Variants in MACC1 observed in about 807,000 individuals in gnomAD.
MACC1 encodes the protein metastasis-associated in colon cancer protein 1.
A neutral mutation model predicts 70.7 loss-of-function variants in MACC1; 79 were observed. The observed-to-expected ratio is 1.12, with a 90% CI of 0.93 to 1.35. The LOEUF is 1.35. Ranked by LOEUF, MACC1 falls within the 40% of genes most tolerant of loss-of-function variation. The probability of loss-of-function intolerance (pLI) is 0.00; values close to 1 mark genes in which losing one functional copy is unlikely to be tolerated. For synonymous variants in MACC1, 361 were observed against 347.2 expected, an observed-to-expected ratio of 1.04 and a Z score of -0.44; for missense variants, 1,106 against 978.1, an observed-to-expected ratio of 1.13 and a Z score of -1.74.
intron 1 of MACC1, among the ~76,000 whole-genome samples, chr7:20,183,735 G>A (rs993881999): frequency 6.9e-6 from 1 of 145,064 alleles, no homozygotes; most frequent in East Asian, 2.0e-4. Context: ...TTGAGGGAGA[G>A]TCTCACTCTG....
In MACC1 at chr7:20,154,263, C is replaced by G. The variant is rs113593699; in HGVS notation, c.2276G>C (p.Arg759Pro). The change falls in exon 6 of 7, where the codon CGA becomes CCA. Residue 759 changes from arginine (R) to proline (P), a missense_variant. Transcript: ENST00000400331. ...TGCCTCCATTTGTTGCTTTGTGAGT[C>G]GTACTAACTTTTCAGCTAGTTCCCT... Reference protein sequence around the residue: ...GWRELAEKLVRLTKQQMEAYE... With the variant: ...GWRELAEKLVPLTKQQMEAYE... 14 of 1,613,946 alleles carry G rather than the reference C, an allele frequency of 8.7e-6. No individual in the cohort carries two copies. The South Asian group carries it at 1.5e-4, about 18-fold the overall frequency.
Position 20,137,713 on chromosome 7 carries a change from G to A in MACC1, c.*3233C>T, listed in dbSNP as rs1183394674. ...CATTGACTTACTGCCAAATATTGAA[G>A]GCAATTCATGATTACTAATTTAATC... On this transcript the variant is annotated 3_prime_UTR_variant, in exon 7 of 7. Transcript: ENST00000400331. 1 of 152,070 alleles carries A rather than the reference G, an allele frequency of 6.6e-6. No individual in the cohort carries two copies. Among genetic ancestry groups the A allele is most frequent in the South Asian group, 2.1e-4 (1 of 4,828 alleles). The allele number at this position is 152,070 out of a possible 1,614,324, so 9.4% of individuals were successfully genotyped here.
chr7:20,153,365 T>A (rs546295612), intron 6 of MACC1: 1 of 152,346 alleles, frequency 6.6e-6, no homozygotes, highest in Admixed American at 6.5e-5. Context: ...AAGTGAAGAA[T>A]ACAGCTTCTG....
At position 20,160,111 on chromosome 7, in the gene MACC1, G is replaced by A. The variant is rs1562586508; in HGVS notation, c.250C>T (p.Leu84=). The change falls in exon 5 of 7, where the codon CTA becomes TTA. Residue 84 remains leucine (L), a synonymous_variant. Coordinates refer to ENST00000400331, the MANE Select transcript of MACC1 (RefSeq NM_182762.4). ...TTATTTCTCTTCCTGTTATTTCTTA[G>A]TTGAGTTATGTCATCCAAAAATGGG... ...SNPFLDDITQ[L]RNNRKRNNIS... is the part of the protein sequence containing the mutation. The A allele has an allele frequency of 6.2e-7, 1 of 1,613,006 alleles. No homozygotes were observed. The highest frequency in any genetic ancestry group is 1.3e-5 in the African/African-American group (1 of 74,954).
Position 20,154,237 on chromosome 7 carries a change from A to G in MACC1, c.2302T>C (p.Tyr768His), listed in dbSNP as rs1193744276. 6 of 1,613,886 alleles carry G rather than the reference A, an allele frequency of 3.7e-6. No individual in the cohort carries two copies. The highest frequency in any genetic ancestry group is 2.7e-5 in the African/African-American group (2 of 74,916). Residue 768 changes from tyrosine (Y) to histidine (H), a missense_variant, in exon 6 of 7, where the codon TAT becomes CAT. Coordinates refer to ENST00000400331, the MANE Select transcript of MACC1 (RefSeq NM_182762.4). ...GTGTTTCCTCGATGAGGAATTTCAT[A>G]TGCCTCCATTTGTTGCTTTGTGAGT... Reference protein sequence around the residue: ...VRLTKQQMEAYEIPHRGNTGD... With the variant: ...VRLTKQQMEAHEIPHRGNTGD...
At chr7:20,166,857 A>C (rs1311990109) in intron 2 of MACC1, among the ~76,000 whole-genome samples, 2 of 152,198 alleles carry the variant, frequency 1.3e-5, no homozygotes, top group Non-Finnish European at 2.9e-5. Flanking sequence ...GAAAATCATA[A>C]TAATTGTGCA....
rs183652411 is a variant in MACC1 at position 20,197,470 on chromosome 7, T to G, written c.-218+19829A>C. Among the ~76,000 whole-genome samples, 7 of 152,346 alleles carry G rather than the reference T, an allele frequency of 4.6e-5. No individual in the cohort carries two copies. In the East Asian group the frequency reaches 1.3e-3, roughly 29 times the overall value. On this transcript the variant is annotated intron_variant, in intron 1 of 6. Coordinates refer to ENST00000400331, the MANE Select transcript of MACC1 (RefSeq NM_182762.4). ...AGATAACAATTTTGTGGAATCTTAG[T>G]GACTATTTGTTTTTCTTTCTCGAGC...
chr7:20,170,247 G>C (rs1032546020), intron 2 of MACC1: 1 of 152,222 alleles, frequency 6.6e-6, no homozygotes, highest in South Asian at 2.1e-4. Flanking sequence ...TCTTCAAAAA[G>C]TGGTTACAAT....
rs563429137 is a variant in MACC1, at chr7:20,139,912, T to G, written c.*1034A>C. 5.9e-5 allele frequency: 9 copies of G among 152,044 alleles called. No homozygotes were observed. Among genetic ancestry groups the G allele is most frequent in the African/African-American group, 2.2e-4 (9 of 41,462 alleles). The allele number at this position is 152,044 out of a possible 1,614,324, so 9.4% of individuals were successfully genotyped here. On this transcript the variant is annotated 3_prime_UTR_variant, in exon 7 of 7. Transcript: ENST00000400331. ...TAAAGATATCAGTGTTTTCGGTGGT[T>G]AAGACCTCTCTACTCAACAGGGTAA...
chr7:20,212,000 T>A (rs1026901274), intron 1 of MACC1, among the ~76,000 whole-genome samples: 6 of 152,196 alleles, frequency 3.9e-5, no homozygotes, highest in African/African-American at 1.2e-4. Context: ...TCTTATAGAC[T>A]GTTGTTTATG....
chr7:20,193,901 C>A (rs1782709995), intron 1 of MACC1, among the ~76,000 whole-genome samples: 1 of 152,004 alleles, frequency 6.6e-6, no homozygotes, highest in African/African-American at 2.4e-5. Context: ...CGCCCCCACA[C>A]ACACCTTTAA....
At chr7:20,206,010 A>G (rs1472610357) in intron 1 of MACC1, among the ~76,000 whole-genome samples, 3 of 152,068 alleles carry the variant, frequency 2.0e-5, no homozygotes, top group African/African-American at 4.8e-5. Context: ...TAGTTTCACA[A>G]TCTTCTCTGT....
At chr7:20,186,367 A>T (rs1782589123) in intron 1 of MACC1, among the ~76,000 whole-genome samples, 1 of 152,170 alleles carries the variant, frequency 6.6e-6, no homozygotes, top group Admixed American at 6.5e-5. Flanking sequence ...ATGTTTACTA[A>T]CTCATACTAA....
chr7:20,139,349 C>T lies in MACC1; in HGVS notation c.*1597G>A, dbSNP rs1003052830. ...CCCCACCACACCAGGACAATGCCTA[C>T]TCTTCCTTGAGGTTCATTATTTCTT... On this transcript the variant is annotated 3_prime_UTR_variant, in exon 7 of 7. Coordinates refer to ENST00000400331, the MANE Select transcript of MACC1 (RefSeq NM_182762.4). 3.3e-5 allele frequency: 5 copies of T among 152,282 alleles called. No homozygotes were observed. In the East Asian group the frequency reaches 7.7e-4, roughly 24 times the overall value. 9.4% of individuals were successfully genotyped at this position (152,282 alleles called of 1,614,324 possible).
intron 2 of MACC1, among the ~76,000 whole-genome samples, chr7:20,167,526 T>A (rs1010354492): frequency 6.6e-6 from 1 of 151,532 alleles, no homozygotes; most frequent in African/African-American, 2.4e-5. Flanking sequence ...GGTAGGGAAA[T>A]AAAGTCTTAG....
rs947256593 is a variant in MACC1 at position 20,151,075 on chromosome 7, G to T, written c.2346+3118C>A. The stretch of plus-strand genomic sequence containing the variant: ...AGGAGAAAAAAAAAAAAAAAAGAAA[G>T]GAAGTGAAACTTTAGTGTCCTTGGT... On this transcript the variant is annotated intron_variant, in intron 6 of 6. Transcript: ENST00000400331. Among the ~76,000 whole-genome samples the T allele has an allele frequency of 2.0e-5, 3 of 151,280 alleles. No individual in the cohort carries two copies. The South Asian group carries it at 6.3e-4, about 32-fold the overall frequency.
chr7:20,208,554 T>G (rs186304913), intron 1 of MACC1, among the ~76,000 whole-genome samples: 262 of 152,246 alleles, frequency 1.7e-3, no homozygotes, highest in Admixed American at 5.4e-3. Context: ...TTGAGAGAGA[T>G]AATTTAGGGT....
intron 1 of MACC1, among the ~76,000 whole-genome samples, chr7:20,177,393 C>T (rs1328378525): frequency 1.3e-5 from 2 of 151,978 alleles, no homozygotes; most frequent in African/African-American, 4.8e-5. Flanking sequence ...GATAAAATCT[C>T]CCACCATGAT....
chr7:20,196,504 A>G (rs930179079), intron 1 of MACC1, among the ~76,000 whole-genome samples: 6 of 151,994 alleles, frequency 3.9e-5, no homozygotes, highest in African/African-American at 9.7e-5. Context: ...TTGACTATAT[A>G]CTTTTGTAAT....
Sources: gnomAD v4.1 joint callset for allele counts (sites outside exome capture counted in the v4.1 genomes callset) on GRCh38, gnomAD v4.1.1 for gene constraint, MANE v1.5 for transcripts, NCBI Gene and HGNC (gene_info 2026-07-23, HGNC 2026-07-21) for gene names.